FANCL: variants seen among roughly 807,000 people sequenced by gnomAD.
The protein encoded by FANCL is E3 ubiquitin-protein ligase FANCL.
Under a neutral mutation model 59.4 loss-of-function variants are expected in FANCL, and 69 were observed. The ratio of observed to expected loss-of-function variants is 1.16; its 90% CI spans 0.96 to 1.42. The LOEUF (loss-of-function observed/expected upper bound fraction) is 1.42, where lower values mean the gene tolerates loss of function less well. Among genes scored for constraint, FANCL ranks in the 40% most tolerant of loss-of-function variants. The pLI, the probability that FANCL is intolerant of heterozygous loss-of-function variation, is 0.00. For synonymous variants in FANCL, 180 were observed against 147.1 expected (o/e 1.22, Z -1.62); for missense variants, 519 against 447.2 (o/e 1.16, Z -1.45).
chr2:58,170,376 C>G (rs1268655553), intron 7 of FANCL, among the ~76,000 whole-genome samples: 2 of 152,142 alleles, frequency 1.3e-5, no homozygotes, highest in Non-Finnish European at 2.9e-5. Flanking sequence ...TACAAGAGCT[C>G]CTGAAGGACG....
intron 5 of FANCL, among the ~76,000 whole-genome samples, chr2:58,219,271 T>C (rs1692234880): frequency 7.3e-6 from 1 of 137,164 alleles, no homozygotes; most frequent in East Asian, 2.3e-4. Context: ...TGGCCAAAGC[T>C]AGAACAAATT....
chr2:58,188,216 ATATG>A (rs748066835), intron 7 of FANCL, among the ~76,000 whole-genome samples: 1 of 152,144 alleles, frequency 6.6e-6, no homozygotes, highest in African/African-American at 2.4e-5. Flanking sequence ...AGCTGTCTGT[ATATG>A]TATGGGTATA....
chr2:58,216,140 C>A (rs1691699120), intron 5 of FANCL, among the ~76,000 whole-genome samples: 1 of 152,080 alleles, frequency 6.6e-6, no homozygotes, highest in Non-Finnish European at 1.5e-5. Flanking sequence ...GGGGGGAAAT[C>A]CCAATGAATA....
At chr2:58,209,075 C>T (rs560959943) in intron 5 of FANCL, among the ~76,000 whole-genome samples, 2 of 152,332 alleles carry the variant, frequency 1.3e-5, no homozygotes, top group South Asian at 4.1e-4. Context: ...ACATTCATCT[C>T]CTCTAAGAAC....
At chr2:58,207,165 C>G (rs1013746790) in intron 5 of FANCL, among the ~76,000 whole-genome samples, 7 of 152,120 alleles carry the variant, frequency 4.6e-5, no homozygotes, top group East Asian at 1.9e-4. Context: ...CAGAACTATG[C>G]TTTCCTCTCT....
intron 2 of FANCL, among the ~76,000 whole-genome samples, chr2:58,230,337 G>C (rs1693456392): frequency 6.6e-6 from 1 of 151,782 alleles, no homozygotes; most frequent in Non-Finnish European, 1.5e-5. Flanking sequence ...ACAGGATCTC[G>C]CTCTGTCACT....
intron 5 of FANCL, among the ~76,000 whole-genome samples, chr2:58,219,008 T>C (rs768421377): frequency 2.7e-4 from 40 of 150,588 alleles, no homozygotes; most frequent in Non-Finnish European, 4.9e-4. Context: ...CAAGCACCCA[T>C]AGTGCCCACA....
intron 5 of FANCL, among the ~76,000 whole-genome samples, chr2:58,217,207 TATATATATACACACACACACACAC>T (rs1691908057): frequency 4.7e-4 from 5 of 10,712 alleles, no homozygotes; most frequent in South Asian, 3.7e-3. Flanking sequence ...TATATATATA[TATATATATACACACACACACACAC>T]ACACACACAC....
At chr2:58,177,950 T>C (rs1374679860) in intron 7 of FANCL, among the ~76,000 whole-genome samples, 1 of 152,058 alleles carries the variant, frequency 6.6e-6, no homozygotes, top group African/African-American at 2.4e-5. Flanking sequence ...TATCACAGAA[T>C]GCTATAAACA....
intron 7 of FANCL, among the ~76,000 whole-genome samples, chr2:58,195,839 G>A (rs1689374078): frequency 6.6e-6 from 1 of 152,036 alleles, no homozygotes; most frequent in Admixed American, 6.6e-5. Context: ...ACAATCTAGG[G>A]AAGGCAATTT....
intron 5 of FANCL, among the ~76,000 whole-genome samples, chr2:58,206,373 G>C (rs537537070): frequency 2.0e-5 from 3 of 152,184 alleles, no homozygotes; most frequent in East Asian, 3.9e-4. Context: ...CAAAGTATTT[G>C]TCTCAAAGAA....
intron 8 of FANCL, 38 bp downstream of exon 8, chr2:58,165,686 A>T: frequency 6.2e-7 from 1 of 1,612,738 alleles, no homozygotes; most frequent in Non-Finnish European, 8.5e-7. Context: ...ACAAAATAAA[A>T]CACCTAAAAA....
At chr2:58,168,124 T>A (rs1686145450) in intron 7 of FANCL, among the ~76,000 whole-genome samples, 1 of 152,158 alleles carries the variant, frequency 6.6e-6, no homozygotes, top group Non-Finnish European at 1.5e-5. Context: ...AAAATATTTT[T>A]AAAAATAAAA....
At position 58,165,709 on chromosome 2, in the gene FANCL, C is replaced by T. The variant is rs1685867136; in HGVS notation, c.691+15G>A. On this transcript the variant is annotated intron_variant, in intron 8 of 13. Transcript: ENST00000233741. ...AAACACCTAAAAACAAACCCTTAAT[C>T]CTCCTTGTCCCTACCTAATGCAATT... 1.2e-6 allele frequency: 2 copies of T among 1,613,866 alleles called. No individual in the cohort carries two copies. Among genetic ancestry groups the T allele is most frequent in the Admixed American group, 1.7e-5 (1 of 59,988 alleles).
At chr2:58,237,038 T>C (rs372682280) in intron 1 of FANCL, among the ~76,000 whole-genome samples, 1 of 152,160 alleles carries the variant, frequency 6.6e-6, no homozygotes, top group East Asian at 1.9e-4. Flanking sequence ...CCCCTCTCAC[T>C]AACTGATAGA....
intron 6 of FANCL, among the ~76,000 whole-genome samples, chr2:58,202,854 C>T (rs1024146319): frequency 4.0e-5 from 6 of 151,694 alleles, no homozygotes; most frequent in African/African-American, 4.8e-5. Flanking sequence ...AGTAGAAGAG[C>T]TTGTAAAAAT....
rs1211392326 is a variant in FANCL, at chr2:58,198,558, A to T, written c.540+36T>A. ...GGACAACTGTACTTTTTAATTACTT[A>T]AAACAAATTTAAGAATTTACCTGAG... On this transcript the variant is annotated intron_variant, in intron 7 of 13. Transcript: ENST00000233741. 7 of 1,578,302 alleles carry T rather than the reference A, an allele frequency of 4.4e-6. No individual in the cohort carries two copies. In the Middle Eastern group the frequency reaches 5.3e-4, roughly 119 times the overall value.
chr2:58,206,212 G>C (rs547677667), intron 5 of FANCL, among the ~76,000 whole-genome samples: 1 of 151,938 alleles, frequency 6.6e-6, no homozygotes, highest in Non-Finnish European at 1.5e-5. Context: ...AAACAGTAAA[G>C]CTAATGGAAA....
chr2:58,192,075 A>G (rs987326329), intron 7 of FANCL, among the ~76,000 whole-genome samples: 2 of 151,936 alleles, frequency 1.3e-5, no homozygotes, highest in African/African-American at 2.4e-5. Flanking sequence ...TAGTAAAGTC[A>G]TATTTATTAA....
Sources: gnomAD v4.1 joint callset for allele counts (sites outside exome capture counted in the v4.1 genomes callset) on GRCh38, gnomAD v4.1.1 for gene constraint, MANE v1.5 for transcripts, NCBI Gene and HGNC (gene_info 2026-07-23, HGNC 2026-07-21) for gene names.